The following NCOA3 variants were observed in gnomAD, a reference collection of about 807,000 sequenced individuals.
NCOA3 encodes CBP-interacting protein.
A neutral mutation model predicts 158.8 loss-of-function variants in NCOA3; 51 were observed. The ratio of observed to expected loss-of-function variants is 0.32; its 90% CI spans 0.26 to 0.41. NCOA3 has a LOEUF of 0.41. Among genes scored for constraint, NCOA3 ranks in the 10% least tolerant of loss-of-function variants. The probability of loss-of-function intolerance (pLI) is 1.00; values close to 1 mark genes in which losing one functional copy is unlikely to be tolerated. For missense variants in NCOA3, 1,510 were observed against 1,746.6 expected (o/e 0.86, Z 2.41); for synonymous variants, 537 against 592.4 (o/e 0.91, Z 1.36).
chr20:47,528,547 A>G (rs1044929688), intron 1 of NCOA3, among the ~76,000 whole-genome samples: 35 of 152,172 alleles, frequency 2.3e-4, no homozygotes, highest in African/African-American at 8.4e-4. Flanking sequence ...GCTTACCTCT[A>G]TTAGTATACA....
rs200197392 is a variant in NCOA3 at position 47,627,989 on chromosome 20, C to A, written c.789C>A (p.Asn263Lys). 1.9e-5 allele frequency: 31 copies of A among 1,613,890 alleles called. No homozygotes were observed. The East Asian group carries it at 3.3e-4, about 17-fold the overall frequency. ...CAGGAGAAAGAACATTTCCATCAAACCCTGAGAGCTTTATTACCAGACATG... is the reference window on the plus strand; with the variant it reads ...CAGGAGAAAGAACATTTCCATCAAAACCTGAGAGCTTTATTACCAGACATG... ...ITTGERTFPSNPESFITRHDL... is the reference protein window; with the variant it reads ...ITTGERTFPSKPESFITRHDL... The change falls in exon 8 of 23, where the codon AAC becomes AAA. Residue 263 changes from asparagine (N) to lysine (K), a missense_variant. Physicochemically the swap from Asn to Lys is moderately conservative, Grantham distance 94. Transcript: ENST00000371998.
chr20:47,517,432 TTTTTTC>T (rs373393239), intron 1 of NCOA3, among the ~76,000 whole-genome samples: 3 of 147,726 alleles, frequency 2.0e-5, no homozygotes, highest in African/African-American at 8.0e-5. Context: ...ATTTTCTTCT[TTTTTTC>T]TTTTTTCTTT....
chr20:47,514,563 T>C (rs567672495), intron 1 of NCOA3, among the ~76,000 whole-genome samples: 36 of 152,118 alleles, frequency 2.4e-4, no homozygotes, highest in African/African-American at 8.4e-4. Context: ...AATTTTTTTT[T>C]TGTATTTTTG....
intron 2 of NCOA3, among the ~76,000 whole-genome samples, chr20:47,608,434 T>TG (rs2085984898): frequency 6.6e-6 from 1 of 151,888 alleles, no homozygotes; most frequent in Admixed American, 6.6e-5. Context: ...GCCTAGGAGT[T>TG]GGAGACCAGC....
chr20:47,547,034 CCCTAT>C (rs1362648356), intron 1 of NCOA3, among the ~76,000 whole-genome samples: 1 of 152,178 alleles, frequency 6.6e-6, no homozygotes, highest in Non-Finnish European at 1.5e-5. Flanking sequence ...ACCCTTACCA[CCCTAT>C]TTAATACCGG....
chr20:47,543,640 G>A (rs2084780131), intron 1 of NCOA3, among the ~76,000 whole-genome samples: 1 of 151,926 alleles, frequency 6.6e-6, no homozygotes, highest in Non-Finnish European at 1.5e-5. Flanking sequence ...CTCCCGAGTA[G>A]CTGGGACTAC....
Position 47,639,940 on chromosome 20 carries a change from C to G in NCOA3, c.2969C>G (p.Pro990Arg), listed in dbSNP as rs146738371. ...QMLQMRPGEIPMGMGANPYGQ... is the reference protein window; with the variant it reads ...QMLQMRPGEIRMGMGANPYGQ... ...GCTCCCCCAGGGCCTGGTGAAATCC[C>G]CATGGGAATGGGGGCTAATCCCTAT... The change falls in exon 16 of 23, where the codon CCC becomes CGC. Residue 990 changes from proline to arginine, a missense_variant. Physicochemically the swap from Pro to Arg is moderately radical, Grantham distance 103 (BLOSUM62 -2). Around this residue, in one of 4 missense-constraint regions of NCOA3, gnomAD observed 1,017 missense variants for 1,098.3 expected, o/e 0.93. Transcript: ENST00000371998. 1 of 1,614,136 alleles carries G rather than the reference C, an allele frequency of 6.2e-7. No homozygotes were observed. Among genetic ancestry groups the G allele is most frequent in the East Asian group, 2.2e-5 (1 of 44,874 alleles).
chr20:47,504,835 G>A (rs2146037661), intron 1 of NCOA3, among the ~76,000 whole-genome samples: 1 of 151,550 alleles, frequency 6.6e-6, no homozygotes, highest in South Asian at 2.1e-4. Flanking sequence ...TTGTGCATTA[G>A]CAGTATGATT....
intron 2 of NCOA3, among the ~76,000 whole-genome samples, chr20:47,618,285 C>G (rs1267871437): frequency 6.7e-6 from 1 of 148,814 alleles, no homozygotes; most frequent in South Asian, 2.1e-4. Context: ...ATATCTTAAA[C>G]AATTATACCT....
chr20:47,618,424 G>A (rs1453253341), intron 2 of NCOA3, among the ~76,000 whole-genome samples: 2 of 135,242 alleles, frequency 1.5e-5, no homozygotes, highest in Non-Finnish European at 3.1e-5. Flanking sequence ...GCCCAATCTT[G>A]GCTTACTGCA....
At chr20:47,512,152 A>G (rs548548897) in intron 1 of NCOA3, among the ~76,000 whole-genome samples, 3 of 151,624 alleles carry the variant, frequency 2.0e-5, no homozygotes, top group South Asian at 2.1e-4. Flanking sequence ...CCATCCTATG[A>G]AAAAAAAATA....
At chr20:47,587,698 GT>G (rs1164300847) in intron 2 of NCOA3, among the ~76,000 whole-genome samples, 2 of 151,804 alleles carry the variant, frequency 1.3e-5, no homozygotes, top group African/African-American at 2.4e-5. Context: ...TTGCTGTATT[GT>G]TTTTTTAAAT....
At chr20:47,592,286 C>G (rs1306447274) in intron 2 of NCOA3, among the ~76,000 whole-genome samples, 2 of 152,148 alleles carry the variant, frequency 1.3e-5, no homozygotes, top group Non-Finnish European at 2.9e-5. Flanking sequence ...CTCAGGTGAT[C>G]CATCTGCCCC....
At chr20:47,538,153 T>C (rs1227711257) in intron 1 of NCOA3, among the ~76,000 whole-genome samples, 1 of 152,180 alleles carries the variant, frequency 6.6e-6, no homozygotes, top group East Asian at 1.9e-4. Flanking sequence ...GTGCTAGGAT[T>C]ACAGGCATGA....
intron 1 of NCOA3, among the ~76,000 whole-genome samples, chr20:47,508,642 A>G (rs1037773187): frequency 6.6e-6 from 1 of 152,278 alleles, no homozygotes; most frequent in Admixed American, 6.5e-5. Flanking sequence ...GTGTATCATA[A>G]TAGAAATGTC....
In NCOA3 at chr20:47,511,550, T is replaced by TATATACACACACACATACAC. The variant is rs1556556371; in HGVS notation, c.-99+9536_-99+9537insCACACACACATACACATATA. Among the ~76,000 whole-genome samples, 34 of 52,270 alleles carry TATATACACACACACATACAC rather than the reference T, an allele frequency of 6.5e-4. 3 individuals carry two copies. The highest frequency in any genetic ancestry group is 1.7e-3 in the East Asian group (2 of 1,168). 34.3% of individuals were successfully genotyped at this position (52,270 alleles called of 152,430 possible). On this transcript the variant is annotated intron_variant, in intron 1 of 22. Coordinates refer to ENST00000371998, the MANE Select transcript of NCOA3 (RefSeq NM_181659.3). Reference sequence around the variant, plus strand: ...ATATATATATATATATATATATATATATATATTTCTTTTTTTTTTTGAGAC... The same window carrying TATATACACACACACATACAC: ...ATATATATATATATATATATATATATATATACACACACACATACACATATATTTCTTTTTTTTTTTGAGAC...
At chr20:47,502,701 A>C (rs1288001701) in intron 1 of NCOA3, among the ~76,000 whole-genome samples, 2 of 70,280 alleles carry the variant, frequency 2.8e-5, no homozygotes, top group African/African-American at 4.4e-5. Context: ...CTTTATTACT[A>C]CTTTTTTTTT....
Position 47,636,057 on chromosome 20 carries a change from C to A in NCOA3, c.1671C>A (p.Thr557=), listed in dbSNP as rs371190272. Residue 557 remains threonine, a synonymous_variant, in exon 12 of 23, where the codon ACC becomes ACA. Coordinates refer to ENST00000371998, the MANE Select transcript of NCOA3 (RefSeq NM_181659.3). ...KLDNSPNMNI[T]QPSKVSNQDS... ...ATAACTCTCCCAATATGAATATTAC[C>A]CAACCAAGTAAAGTAAGCAATCAGG... is the stretch of plus-strand genomic sequence containing the variant. 16 of 1,613,956 alleles carry A rather than the reference C, an allele frequency of 9.9e-6. No homozygotes were observed. Among genetic ancestry groups the A allele is most frequent in the Non-Finnish European group, 2.5e-6 (3 of 1,180,028 alleles).
intron 1 of NCOA3, among the ~76,000 whole-genome samples, chr20:47,507,607 C>CT (rs904119227): frequency 7.2e-6 from 1 of 138,456 alleles, no homozygotes; most frequent in African/African-American, 2.6e-5. Flanking sequence ...CACCCAACAA[C>CT]TTTTTGTTGT....
Sources: gnomAD v4.1 joint callset for allele counts (sites outside exome capture counted in the v4.1 genomes callset) on GRCh38, gnomAD v4.1.1 for gene constraint, gnomAD v4.1.1 regional missense constraint, MANE v1.5 for transcripts, NCBI Gene and HGNC (gene_info 2026-07-23, HGNC 2026-07-21) for gene names.